Variants in FRMD4A observed in about 807,000 individuals in gnomAD.
FRMD4A encodes FERM domain-containing protein 4A.
Under a neutral mutation model 129.1 loss-of-function variants are expected in FRMD4A, and 29 were observed. The ratio of observed to expected loss-of-function variants is 0.22; its 90% confidence interval spans 0.17 to 0.31. FRMD4A has a LOEUF of 0.31. FRMD4A is among the 10% of genes least tolerant of loss of function. The pLI is 1.00. For missense variants in FRMD4A, 1,272 were observed against 1,375.8 expected (o/e 0.92, Z 1.19); for synonymous variants, 634 against 571.6 (o/e 1.11, Z -1.56).
chr10:14,000,117 T>C (rs750914992), intron 2 of FRMD4A, among the ~76,000 whole-genome samples: 19 of 152,320 alleles, frequency 1.2e-4, no homozygotes, highest in Non-Finnish European at 2.6e-4. Flanking sequence ...AATCCGTAGA[T>C]GTGGTTCATC....
chr10:13,912,475 C>T (rs980180398), intron 2 of FRMD4A, among the ~76,000 whole-genome samples: 4 of 151,412 alleles, frequency 2.6e-5, no homozygotes, highest in Non-Finnish European at 4.4e-5. Flanking sequence ...AATGTCCATC[C>T]GCTGATGAAC....
rs997796131 is a variant in FRMD4A at position 13,784,218 on chromosome 10, C to T, written c.300-1212G>A. ...TAGAATAGTGTTATAATCTGAGGGC[C>T]AGAATCCTCTGGAGGGAGTCAGAGA... On this transcript the variant is annotated intron_variant, in intron 5 of 24. Coordinates refer to ENST00000357447, the MANE Select transcript of FRMD4A (RefSeq NM_018027.5). Among the ~76,000 whole-genome samples the T allele has an allele frequency of 8.5e-5, 13 of 152,220 alleles. 1 individual carries two copies. The South Asian group carries it at 2.5e-3, about 29-fold the overall frequency.
At chr10:13,760,598 A>G (rs529062836) in intron 8 of FRMD4A, among the ~76,000 whole-genome samples, 1 of 152,266 alleles carries the variant, frequency 6.6e-6, no homozygotes, top group African/African-American at 2.4e-5. Flanking sequence ...AGCAGTTGAG[A>G]CCTGAAAAAC....
intron 2 of FRMD4A, among the ~76,000 whole-genome samples, chr10:14,297,650 A>G (rs532477543): frequency 1.3e-5 from 2 of 152,254 alleles, no homozygotes; most frequent in South Asian, 4.1e-4. Flanking sequence ...TTTAATAAGC[A>G]CCTACTCTAC....
intron 15 of FRMD4A, among the ~76,000 whole-genome samples, chr10:13,686,264 A>C (rs534101467): frequency 6.6e-6 from 1 of 152,374 alleles, no homozygotes; most frequent in East Asian, 1.9e-4. Context: ...GAGAAGGAGG[A>C]AGGACAAAAG....
At chr10:14,243,375 C>G (rs1218389) in intron 2 of FRMD4A, among the ~76,000 whole-genome samples, 123,451 of 151,886 alleles carry the variant, frequency 0.81, 50,586 homozygotes, top group Non-Finnish European at 0.87. Context: ...TTCAAATGCT[C>G]TTTCTCGCCT....
chr10:14,085,442 C>G (rs1390953518), intron 2 of FRMD4A, among the ~76,000 whole-genome samples: 1 of 152,212 alleles, frequency 6.6e-6, no homozygotes, highest in African/African-American at 2.4e-5. Flanking sequence ...GTTCTTCTCT[C>G]CCCAATCCAC....
chr10:14,232,091 T>C (rs1441941284), intron 2 of FRMD4A, among the ~76,000 whole-genome samples: 1 of 152,190 alleles, frequency 6.6e-6, no homozygotes, highest in South Asian at 2.1e-4. Flanking sequence ...TAATCTATCT[T>C]GAGTTGATTT....
chr10:14,138,841 G>A (rs551572938), intron 2 of FRMD4A, among the ~76,000 whole-genome samples: 10 of 152,224 alleles, frequency 6.6e-5, no homozygotes, highest in Middle Eastern at 3.4e-3. Flanking sequence ...TAATATTCAG[G>A]TAGGGCAACT....
intron 15 of FRMD4A, among the ~76,000 whole-genome samples, chr10:13,678,640 A>G (rs1345103291): frequency 6.6e-6 from 1 of 152,266 alleles, no homozygotes; most frequent in African/African-American, 2.4e-5. Context: ...AATTAGAAAG[A>G]GAAATCATTG....
chr10:13,944,810 CTCTG>C (rs1283906504), intron 2 of FRMD4A, among the ~76,000 whole-genome samples: 3 of 152,380 alleles, frequency 2.0e-5, no homozygotes, highest in Non-Finnish European at 2.9e-5. Flanking sequence ...TACGTGCCTT[CTCTG>C]TCTGTGCACA....
intron 2 of FRMD4A, among the ~76,000 whole-genome samples, chr10:14,231,354 T>C (rs1361675706): frequency 6.6e-6 from 1 of 151,956 alleles, no homozygotes; most frequent in Non-Finnish European, 1.5e-5. Flanking sequence ...TGGTTTTTTT[T>C]TTTTTTGAGA....
intron 2 of FRMD4A, among the ~76,000 whole-genome samples, chr10:14,219,133 A>G (rs1018994262): frequency 6.6e-6 from 1 of 152,078 alleles, no homozygotes; most frequent in African/African-American, 2.4e-5. Context: ...AATTAGTTTG[A>G]CAAAGAGAGA....
At chr10:14,165,347 G>C (rs910285088) in intron 2 of FRMD4A, among the ~76,000 whole-genome samples, 3 of 152,092 alleles carry the variant, frequency 2.0e-5, no homozygotes, top group Admixed American at 2.0e-4. Context: ...TTACAACTAA[G>C]AAGCCAAAAC....
At chr10:14,280,124 A>G (rs1270054272) in intron 2 of FRMD4A, among the ~76,000 whole-genome samples, 1 of 152,168 alleles carries the variant, frequency 6.6e-6, no homozygotes, top group Non-Finnish European at 1.5e-5. Context: ...AGAACTGACC[A>G]TTTATTTTTT....
chr10:14,209,223 T>A (rs1348854049), intron 2 of FRMD4A, among the ~76,000 whole-genome samples: 2 of 152,168 alleles, frequency 1.3e-5, no homozygotes, highest in Non-Finnish European at 2.9e-5. Context: ...CACTTGATAA[T>A]TTTGTCAAGT....
At chr10:13,737,807 TGA>T in intron 12 of FRMD4A, 35 bp downstream of exon 12, 1 of 1,100,608 alleles carries the variant, frequency 9.1e-7, no homozygotes, top group Non-Finnish European at 1.4e-6. Context: ...TCTCTGGATC[TGA>T]GAGGAGTTAA....
At chr10:14,214,089 C>T (rs1234213672) in intron 2 of FRMD4A, among the ~76,000 whole-genome samples, 1 of 152,250 alleles carries the variant, frequency 6.6e-6, no homozygotes, top group Non-Finnish European at 1.5e-5. Flanking sequence ...CGCCTTCTGC[C>T]ATGACTGTGA....
intron 2 of FRMD4A, among the ~76,000 whole-genome samples, chr10:14,103,936 G>A (rs950627302): frequency 1.3e-5 from 2 of 152,110 alleles, no homozygotes; most frequent in African/African-American, 2.4e-5. Context: ...AAAGAATTAC[G>A]TACCGTCAGC....
Sources: gnomAD v4.1 joint callset for allele counts (sites outside exome capture counted in the v4.1 genomes callset) on GRCh38, gnomAD v4.1.1 for gene constraint, MANE v1.5 for transcripts, NCBI Gene and HGNC (gene_info 2026-07-23, HGNC 2026-07-21) for gene names.